RALGAPA2: variants seen among roughly 807,000 people sequenced by gnomAD.
RALGAPA2 encodes the protein ral GTPase-activating protein subunit alpha-2.
A neutral mutation model predicts 230.4 loss-of-function variants in RALGAPA2; 139 were observed. That is an observed-to-expected ratio of 0.60 (90% CI 0.53 to 0.69). The LOEUF (loss-of-function observed/expected upper bound fraction) is 0.69, where lower values mean the gene tolerates loss of function less well. Ranked by LOEUF, RALGAPA2 falls within the 30% of genes least tolerant of loss-of-function variation. The probability of loss-of-function intolerance (pLI) is 0.00; values close to 1 mark genes in which losing one functional copy is unlikely to be tolerated. For synonymous variants in RALGAPA2, 847 were observed against 837.8 expected (o/e 1.01, Z -0.19); for missense variants, 2,163 against 2,276.0 (o/e 0.95, Z 1.01).
chr20:20,618,902 T>C (rs1351163199), intron 12 of RALGAPA2, among the ~76,000 whole-genome samples: 1 of 152,232 alleles, frequency 6.6e-6, no homozygotes, highest in African/African-American at 2.4e-5. Flanking sequence ...ATATTACTTA[T>C]AAGATTTTAT....
chr20:20,450,509 T>C (rs1423187794), intron 37 of RALGAPA2, among the ~76,000 whole-genome samples: 1 of 152,256 alleles, frequency 6.6e-6, no homozygotes, highest in Non-Finnish European at 1.5e-5. Context: ...CTATATCATT[T>C]TGATGGTCTC....
chr20:20,469,998 C>T (rs565893362), intron 37 of RALGAPA2, among the ~76,000 whole-genome samples: 31 of 152,196 alleles, frequency 2.0e-4, no homozygotes, highest in African/African-American at 6.5e-4. Flanking sequence ...AAAGGGGCTG[C>T]GATGAACCGT....
intron 3 of RALGAPA2, among the ~76,000 whole-genome samples, chr20:20,675,767 A>C (rs2068300344): frequency 6.6e-6 from 1 of 152,196 alleles, no homozygotes; most frequent in African/African-American, 2.4e-5. Context: ...AAGTTTTTGC[A>C]TGTCAGATTT....
At chr20:20,395,103 G>A (rs764195756) in intron 39 of RALGAPA2, among the ~76,000 whole-genome samples, 1 of 152,228 alleles carries the variant, frequency 6.6e-6, no homozygotes, top group Admixed American at 6.5e-5. Context: ...CGCTGAGTGA[G>A]CCTGGAGAAC....
intron 9 of RALGAPA2, among the ~76,000 whole-genome samples, chr20:20,632,556 G>C (rs528632267): frequency 2.0e-5 from 3 of 152,174 alleles, no homozygotes; most frequent in Admixed American, 6.5e-5. Context: ...TTAAACCAGA[G>C]AGGAAAGGTT....
chr20:20,695,045 G>A (rs755904796), intron 1 of RALGAPA2, among the ~76,000 whole-genome samples: 1 of 152,058 alleles, frequency 6.6e-6, no homozygotes, highest in Non-Finnish European at 1.5e-5. Context: ...AATATTTACT[G>A]CAAAAAACTC....
intron 20 of RALGAPA2, among the ~76,000 whole-genome samples, chr20:20,578,729 A>G (rs1015217281): frequency 1.3e-5 from 2 of 152,176 alleles, no homozygotes; most frequent in Admixed American, 6.5e-5. Flanking sequence ...CATAAAAAAC[A>G]AACTCAAAGG....
chr20:20,488,196 C>T (rs1415308864), intron 36 of RALGAPA2, among the ~76,000 whole-genome samples: 1 of 152,146 alleles, frequency 6.6e-6, no homozygotes, highest in African/African-American at 2.4e-5. Flanking sequence ...ACAGTTCAAA[C>T]CCATGTTGCT....
chr20:20,682,159 G>A (rs2068543300), intron 1 of RALGAPA2, among the ~76,000 whole-genome samples: 4 of 152,186 alleles, frequency 2.6e-5, no homozygotes, highest in Admixed American at 2.6e-4. Flanking sequence ...CATGTAAGGT[G>A]CTTATAAAGT....
Position 20,398,835 on chromosome 20 carries a change from C to A in RALGAPA2, c.5618-2101G>T, listed in dbSNP as rs2059772074. Reference sequence around the variant, plus strand: ...TGACCAAAGCAGATGAAACCGCTGCCTCCAGGGGATCTGGGAGAAAAGTTA... The same window carrying A: ...TGACCAAAGCAGATGAAACCGCTGCATCCAGGGGATCTGGGAGAAAAGTTA... On this transcript the variant is annotated intron_variant, in intron 38 of 39. Coordinates refer to ENST00000202677, the MANE Select transcript of RALGAPA2 (RefSeq NM_020343.4). This position sits in a 1 kb window ranked among gnomAD's most constrained non-coding sequence, Gnocchi z 4.5. Among the ~76,000 whole-genome samples, 1 of 152,174 alleles carries A rather than the reference C, an allele frequency of 6.6e-6. No individual in the cohort carries two copies. Among genetic ancestry groups the A allele is most frequent in the Admixed American group, 6.5e-5 (1 of 15,280 alleles).
chr20:20,409,121 G>A (rs1353336874), intron 38 of RALGAPA2, among the ~76,000 whole-genome samples: 1 of 152,208 alleles, frequency 6.6e-6, no homozygotes, highest in Non-Finnish European at 1.5e-5. Context: ...ACCCCCGCAG[G>A]GCTTGTTGGG....
At chr20:20,558,807 TAAAA>T (rs35519955) in intron 23 of RALGAPA2, among the ~76,000 whole-genome samples, 2 of 91,208 alleles carry the variant, frequency 2.2e-5, no homozygotes, top group Non-Finnish European at 2.3e-5. Context: ...TCAACTCTGC[TAAAA>T]AAAAAAAAAA....
chr20:20,412,028 CG>C lies in RALGAPA2; in HGVS notation c.5615del (p.Thr1872ArgfsTer66). 1.9e-6 allele frequency: 3 copies of C among 1,613,942 alleles called. No individual in the cohort carries two copies. The highest frequency in any genetic ancestry group is 2.5e-6 in the Non-Finnish European group (3 of 1,179,844). On this transcript the variant is annotated frameshift_variant and splice_region_variant, in exon 38 of 40. Coordinates refer to ENST00000202677, the MANE Select transcript of RALGAPA2 (RefSeq NM_020343.4). LOFTEE classifies it high-confidence loss of function. ...GAGAAGAATAATGTAGACACTCACC[CG>C]TTCCGCTGAGGGAGTAGCTGGGAGA... ...SPSPSYSLSG[T>X]D
chr20:20,429,904 C>T (rs1274854677), intron 37 of RALGAPA2, among the ~76,000 whole-genome samples: 1 of 152,166 alleles, frequency 6.6e-6, no homozygotes, highest in African/African-American at 2.4e-5. Context: ...TTCAAAAACC[C>T]TGAAGAGGGT....
intron 23 of RALGAPA2, among the ~76,000 whole-genome samples, chr20:20,562,377 T>C (rs1157620377): frequency 2.0e-5 from 3 of 152,094 alleles, no homozygotes; most frequent in Admixed American, 6.6e-5. Context: ...AACTGAAAAA[T>C]GTATGCCAAC....
intron 38 of RALGAPA2, among the ~76,000 whole-genome samples, chr20:20,403,038 C>T (rs76479960): frequency 2.2e-4 from 33 of 152,274 alleles, no homozygotes; most frequent in Middle Eastern, 3.4e-3. Context: ...ATTTCTCACA[C>T]GCCGCCTTTT....
intron 34 of RALGAPA2, among the ~76,000 whole-genome samples, chr20:20,503,807 G>A (rs1244949139): frequency 6.6e-6 from 1 of 152,122 alleles, no homozygotes; most frequent in Non-Finnish European, 1.5e-5. Context: ...ATGCATATAT[G>A]TGTGTGTATA....
chr20:20,462,750 C>T (rs773121615), intron 37 of RALGAPA2, among the ~76,000 whole-genome samples: 4 of 152,184 alleles, frequency 2.6e-5, no homozygotes, highest in East Asian at 1.9e-4. Flanking sequence ...TCACTGTATA[C>T]GCCAGGGCAG....
chr20:20,421,553 C>T (rs2060275933), intron 37 of RALGAPA2, among the ~76,000 whole-genome samples: 1 of 152,146 alleles, frequency 6.6e-6, no homozygotes, highest in African/African-American at 2.4e-5. Context: ...GCCTGTAACC[C>T]CAGCTACTCG....
Sources: gnomAD v4.1 joint callset for allele counts (sites outside exome capture counted in the v4.1 genomes callset) on GRCh38, gnomAD v4.1.1 for gene constraint, Gnocchi (gnomAD v3.1) non-coding constraint, MANE v1.5 for transcripts, NCBI Gene and HGNC (gene_info 2026-07-23, HGNC 2026-07-21) for gene names.